PHACTR1: variants seen among roughly 807,000 people sequenced by gnomAD.
PHACTR1 encodes RPEL repeat containing 1.
A neutral mutation model predicts 69.2 loss-of-function variants in PHACTR1; 16 were observed. That is an observed-to-expected ratio of 0.23 (90% CI 0.16 to 0.35). The LOEUF is 0.35. Ranked by LOEUF, PHACTR1 falls within the 10% of genes least tolerant of loss-of-function variation. PHACTR1 has a pLI of 1.00. For missense variants in PHACTR1, 510 were observed against 734.7 expected, an observed-to-expected ratio of 0.69 and a Z score of 3.54; for synonymous variants, 312 against 284.5, an observed-to-expected ratio of 1.10 and a Z score of -0.97.
chr6:13,105,362 G>A (rs887134297), intron 5 of PHACTR1, among the ~76,000 whole-genome samples: 1 of 152,136 alleles, frequency 6.6e-6, no homozygotes, highest in Non-Finnish European at 1.5e-5. Context: ...CTGGGTGAGA[G>A]AGTGAGACAC....
intron 4 of PHACTR1, among the ~76,000 whole-genome samples, chr6:12,767,675 AG>A (rs1768808384): frequency 1.3e-5 from 2 of 152,210 alleles, no homozygotes; most frequent in Non-Finnish European, 2.9e-5. Context: ...AAGATGGTGT[AG>A]GGTAATACAT....
intron 4 of PHACTR1, among the ~76,000 whole-genome samples, chr6:12,904,494 A>G (rs1344546370): frequency 6.6e-6 from 1 of 151,048 alleles, no homozygotes; most frequent in Non-Finnish European, 1.5e-5. Flanking sequence ...AGATCTTCCC[A>G]CTGCACTCCA....
chr6:13,239,172 C>G (rs1400893992), intron 10 of PHACTR1, among the ~76,000 whole-genome samples: 2 of 152,128 alleles, frequency 1.3e-5, no homozygotes, highest in Admixed American at 6.5e-5. Flanking sequence ...GGGAGACTTC[C>G]CATAAAACTG....
chr6:12,893,593 C>G (rs1474868366), intron 4 of PHACTR1, among the ~76,000 whole-genome samples: 1 of 152,118 alleles, frequency 6.6e-6, no homozygotes, highest in East Asian at 1.9e-4. Flanking sequence ...GTACCCCTAG[C>G]CTCTGAAGCC....
chr6:12,881,077 A>G (rs1457171727), intron 4 of PHACTR1, among the ~76,000 whole-genome samples: 1 of 152,342 alleles, frequency 6.6e-6, no homozygotes, highest in East Asian at 1.9e-4. Flanking sequence ...AGTACGAAGC[A>G]CAGTGCCAGG....
chr6:12,814,919 C>T (rs1775416148), intron 4 of PHACTR1, among the ~76,000 whole-genome samples: 1 of 152,280 alleles, frequency 6.6e-6, no homozygotes, highest in Non-Finnish European at 1.5e-5. Flanking sequence ...ACACAACATG[C>T]TTCAAGTGAA....
At chr6:13,083,026 A>G (rs1322215149) in intron 5 of PHACTR1, among the ~76,000 whole-genome samples, 3 of 152,204 alleles carry the variant, frequency 2.0e-5, no homozygotes, top group South Asian at 2.1e-4. Context: ...GCCCATGTCT[A>G]TGTCCTGAAT....
Position 12,769,162 on chromosome 6 carries a change from T to C in PHACTR1, c.250+19372T>C, listed in dbSNP as rs564619479. ...GAGGATATACACAGTAGGGTGACTA[T>C]AGCAAATAACAATGTATTGTGTATT... On this transcript the variant is annotated intron_variant, in intron 4 of 14. Transcript: ENST00000332995. 3.9e-5 allele frequency among the ~76,000 whole-genome samples: 6 copies of C among 152,238 alleles called. No homozygotes were observed. The East Asian group carries it at 9.7e-4, about 25-fold the overall frequency.
intron 7 of PHACTR1, among the ~76,000 whole-genome samples, chr6:13,203,748 A>G (rs879436903): frequency 6.6e-6 from 1 of 152,226 alleles, no homozygotes; most frequent in Non-Finnish European, 1.5e-5. Flanking sequence ...TGGGAACATC[A>G]GGCAGTTTAG....
chr6:13,146,950 A>G (rs1823446515), intron 5 of PHACTR1, among the ~76,000 whole-genome samples: 1 of 152,198 alleles, frequency 6.6e-6, no homozygotes, highest in African/African-American at 2.4e-5. Flanking sequence ...CTTACAAGTA[A>G]TACAAGCAAG....
chr6:12,775,445 C>A (rs562517791), intron 4 of PHACTR1, among the ~76,000 whole-genome samples: 2 of 152,200 alleles, frequency 1.3e-5, no homozygotes, highest in Non-Finnish European at 2.9e-5. Flanking sequence ...TCACTGAACT[C>A]ATTAATCGTG....
chr6:12,808,301 T>C (rs1326227114), intron 4 of PHACTR1, among the ~76,000 whole-genome samples: 1 of 152,196 alleles, frequency 6.6e-6, no homozygotes, highest in African/African-American at 2.4e-5. Context: ...AAGTATATAT[T>C]TTAACTTTTA....
chr6:12,814,060 T>A (rs1234761373), intron 4 of PHACTR1, among the ~76,000 whole-genome samples: 4 of 152,210 alleles, frequency 2.6e-5, no homozygotes, highest in African/African-American at 9.6e-5. Flanking sequence ...TGAAGACACA[T>A]CCCTCCTTTA....
At chr6:13,123,322 A>C (rs61610189) in intron 5 of PHACTR1, among the ~76,000 whole-genome samples, 12,963 of 152,200 alleles carry the variant, frequency 0.085, 1,798 homozygotes, top group African/African-American at 0.29. Flanking sequence ...GGGAATCTCC[A>C]AATCTGTATA....
chr6:13,221,292 C>CAGAT (rs1768575346), intron 8 of PHACTR1, among the ~76,000 whole-genome samples: 1 of 152,050 alleles, frequency 6.6e-6, no homozygotes, highest in Non-Finnish European at 1.5e-5. Context: ...GTTGGAGGGT[C>CAGAT]AGATCGTGAG....
chr6:13,164,089 G>A lies in PHACTR1; in HGVS notation c.496+3805G>A, dbSNP rs1226682915. Among the ~76,000 whole-genome samples the A allele has an allele frequency of 4.0e-5, 6 of 149,406 alleles. No homozygotes were observed. In the East Asian group the frequency reaches 1.2e-3, roughly 30 times the overall value. On this transcript the variant is annotated intron_variant, in intron 6 of 14. Coordinates refer to ENST00000332995, the MANE Select transcript of PHACTR1 (RefSeq NM_030948.6). ...AAAGATCTGTGACCTCCTCAGAATG[G>A]CCTTCGTGTCAGTGTCCACCGAGAA... is the stretch of plus-strand genomic sequence containing the variant.
rs143167110 is a variant in PHACTR1, at chr6:13,218,291, T to A, written c.987-9525T>A. Among the ~76,000 whole-genome samples the A allele has an allele frequency of 3.6e-3, 548 of 152,252 alleles. 5 individuals are homozygous for A. Among genetic ancestry groups the A allele is most frequent in the South Asian group, 0.012 (60 of 4,822 alleles). The stretch of plus-strand genomic sequence containing the variant: ...TTGCCGGCCAGTAATTCCCCTCCCA[T>A]GGATGGGTCACAGTGATTTCCTACT... On this transcript the variant is annotated intron_variant, in intron 8 of 14. Transcript: ENST00000332995.
chr6:12,886,841 C>CA lies in PHACTR1; in HGVS notation c.250+137063dup, dbSNP rs199774310. Among the ~76,000 whole-genome samples, 778 of 139,348 alleles carry CA rather than the reference C, an allele frequency of 5.6e-3. 2 individuals carry two copies. The highest frequency in any genetic ancestry group is 0.015 in the African/African-American group (587 of 38,048). The allele number at this position is 139,348 out of a possible 152,430, so 91.4% of individuals were successfully genotyped here. On this transcript the variant is annotated intron_variant, in intron 4 of 14. Transcript: ENST00000332995. ...GGTGGAATCTTAAGGAATGCAGTTC[C>CA]AAAAAAAAAAAATGCCTTTGCTGTC...
chr6:13,191,742 T>C (rs1191940677), intron 7 of PHACTR1, among the ~76,000 whole-genome samples: 1 of 151,742 alleles, frequency 6.6e-6, no homozygotes, highest in Non-Finnish European at 1.5e-5. Flanking sequence ...AGGGACAGTC[T>C]CCCCAGCCAG....
Sources: gnomAD v4.1 joint callset for allele counts (sites outside exome capture counted in the v4.1 genomes callset) on GRCh38, gnomAD v4.1.1 for gene constraint, MANE v1.5 for transcripts, NCBI Gene and HGNC (gene_info 2026-07-23, HGNC 2026-07-21) for gene names.